The following PXDNL variants were observed in gnomAD, a reference collection of about 807,000 sequenced individuals.
PXDNL encodes the protein peroxidasin like, also known as probable oxidoreductase PXDNL.
Under a neutral mutation model 150.8 loss-of-function variants are expected in PXDNL, and 145 were observed. The observed-to-expected ratio is 0.96, with a 90% CI of 0.84 to 1.10. PXDNL has a LOEUF of 1.10. Ranked by LOEUF, PXDNL falls within the 50% of genes least tolerant of loss-of-function variation. The pLI is 0.00. For missense variants in PXDNL, 2,087 were observed against 1,873.9 expected (o/e 1.11, Z -2.10); for synonymous variants, 757 against 725.7 (o/e 1.04, Z -0.69).
At chr8:51,744,675 C>CAA (rs34751949) in intron 1 of PXDNL, among the ~76,000 whole-genome samples, 1,960 of 38,612 alleles carry the variant, frequency 0.051, 262 homozygotes, top group African/African-American at 0.19. Context: ...GACTCCATCT[C>CAA]AAAAAAAAAA....
intron 1 of PXDNL, among the ~76,000 whole-genome samples, chr8:51,718,553 C>A (rs1164435274): frequency 1.3e-5 from 2 of 152,254 alleles, no homozygotes; most frequent in African/African-American, 4.8e-5. Context: ...TTGCCTCTAA[C>A]TGCATTTTCA....
chr8:51,600,786 A>G (rs895037064), intron 2 of PXDNL, among the ~76,000 whole-genome samples: 2 of 119,094 alleles, frequency 1.7e-5, no homozygotes, highest in Non-Finnish European at 3.5e-5. Context: ...TAAATTATAT[A>G]GTTTTGATAA....
chr8:51,784,280 TAAAA>T (rs2037440965), intron 1 of PXDNL, among the ~76,000 whole-genome samples: 1 of 152,240 alleles, frequency 6.6e-6, no homozygotes, highest in African/African-American at 2.4e-5. Flanking sequence ...AAGATCCCTG[TAAAA>T]CTACCAAGGA....
At chr8:51,457,771 CA>C (rs1809969225) in intron 8 of PXDNL, 104 bp from the exon 9 acceptor site, 7 of 707,780 alleles carry the variant, frequency 9.9e-6, no homozygotes, top group Non-Finnish European at 1.5e-5. Flanking sequence ...TCATGTCTAC[CA>C]AATTTGTTAA....
intron 4 of PXDNL, among the ~76,000 whole-genome samples, chr8:51,549,879 C>T (rs60357838): frequency 0.026 from 3,970 of 151,820 alleles, 96 homozygotes; most frequent in African/African-American, 0.06. Context: ...ATACAAAAGA[C>T]ACAAAAACAA....
At chr8:51,407,572 T>C (rs1434164365) in intron 17 of PXDNL, among the ~76,000 whole-genome samples, 1 of 152,168 alleles carries the variant, frequency 6.6e-6, no homozygotes, top group Admixed American at 6.5e-5. Flanking sequence ...ACAGTAATAC[T>C]TTACCGAAAG....
chr8:51,557,944 T>C (rs1563463763), intron 3 of PXDNL, among the ~76,000 whole-genome samples: 3 of 152,178 alleles, frequency 2.0e-5, no homozygotes, highest in Non-Finnish European at 4.4e-5. Flanking sequence ...CCAGTGTGGA[T>C]TTACATCTAA....
chr8:51,401,238 C>T (rs528084375), intron 17 of PXDNL, among the ~76,000 whole-genome samples: 244 of 152,104 alleles, frequency 1.6e-3, no homozygotes, highest in African/African-American at 5.7e-3. Context: ...TGTACAATAC[C>T]CTTATAAAAG....
chr8:51,320,891 T>G lies in PXDNL; in HGVS notation c.4153A>C (p.Lys1385Gln). 1 of 1,612,574 alleles carries G rather than the reference T, an allele frequency of 6.2e-7. No individual in the cohort carries two copies. The highest frequency in any genetic ancestry group is 8.5e-7 in the Non-Finnish European group (1 of 1,178,886). ...GCCTGCCTCAGGCGTGCCTCCAGCT[T>G]GTTTATCTGAAAGGGGAGGCAAAGG... is the stretch of plus-strand genomic sequence containing the variant. ...TITALREQIN[K>Q]LEARLRQAGC... is the part of the protein sequence containing the mutation. Residue 1385 changes from lysine (K) to glutamine (Q), a missense_variant, in exon 22 of 23, where the codon AAG becomes CAG. Coordinates refer to ENST00000356297, the MANE Select transcript of PXDNL (RefSeq NM_144651.5).
chr8:51,717,338 A>G (rs1035021965), intron 1 of PXDNL, among the ~76,000 whole-genome samples: 6 of 152,200 alleles, frequency 3.9e-5, no homozygotes, highest in Non-Finnish European at 8.8e-5. Flanking sequence ...GGAATGAAGA[A>G]AGCTGGAAAG....
chr8:51,374,538 C>A (rs1420211715), intron 18 of PXDNL, 59 bp downstream of exon 18: 1 of 1,539,778 alleles, frequency 6.5e-7, no homozygotes, highest in African/African-American at 1.4e-5. Context: ...TAAACATATA[C>A]ATTTTGGGTC....
chr8:51,396,770 T>C (rs775853973), intron 17 of PXDNL, among the ~76,000 whole-genome samples: 6 of 151,788 alleles, frequency 4.0e-5, no homozygotes, highest in African/African-American at 4.8e-5. Flanking sequence ...AAAATAACGG[T>C]AATAATAATA....
intron 19 of PXDNL, among the ~76,000 whole-genome samples, chr8:51,364,430 G>C (rs1009479152): frequency 6.6e-6 from 1 of 152,082 alleles, no homozygotes; most frequent in Non-Finnish European, 1.5e-5. Context: ...CATTGATGTG[G>C]GTAGCTTTTT....
chr8:51,428,256 A>T (rs1366704523), intron 12 of PXDNL, among the ~76,000 whole-genome samples: 1 of 152,252 alleles, frequency 6.6e-6, no homozygotes, highest in Non-Finnish European at 1.5e-5. Flanking sequence ...CATGGATTGA[A>T]AGTCTAAAGA....
chr8:51,380,993 A>G (rs1807516235), intron 17 of PXDNL, among the ~76,000 whole-genome samples: 2 of 152,184 alleles, frequency 1.3e-5, no homozygotes, highest in African/African-American at 2.4e-5. Flanking sequence ...TGATCATGTT[A>G]TATATGTATG....
chr8:51,719,624 C>T (rs1816687746), intron 1 of PXDNL, among the ~76,000 whole-genome samples: 2 of 149,344 alleles, frequency 1.3e-5, no homozygotes, highest in East Asian at 1.9e-4. Flanking sequence ...GAGAAACACC[C>T]AAGAATGATC....
intron 2 of PXDNL, among the ~76,000 whole-genome samples, chr8:51,600,808 TTA>T (rs1025972987): frequency 8.0e-5 from 11 of 136,838 alleles, no homozygotes; most frequent in South Asian, 2.2e-4. Flanking sequence ...AAATTATATC[TTA>T]TATAAATTAT....
intron 3 of PXDNL, among the ~76,000 whole-genome samples, chr8:51,584,479 T>C (rs564576474): frequency 3.3e-5 from 5 of 152,336 alleles, no homozygotes; most frequent in African/African-American, 9.6e-5. Context: ...CTATTCCATA[T>C]ATAAAACCTT....
intron 4 of PXDNL, among the ~76,000 whole-genome samples, chr8:51,549,491 T>C (rs906609195): frequency 1.3e-5 from 2 of 152,058 alleles, no homozygotes; most frequent in South Asian, 2.1e-4. Context: ...TTCTCTCAGA[T>C]CACAGGTGAA....
Sources: allele counts gnomAD v4.1 joint callset (sites outside exome capture counted in the v4.1 genomes callset), GRCh38; gene constraint gnomAD v4.1.1; transcripts MANE v1.5; gene names NCBI Gene and HGNC (gene_info 2026-07-23, HGNC 2026-07-21).